PEBP4: variants seen among roughly 807,000 people sequenced by gnomAD.
The protein encoded by PEBP4 is phosphatidylethanolamine-binding protein 4.
In PEBP4, 22 loss-of-function variants were observed where a neutral mutation model predicts 23.9. That is an observed-to-expected ratio of 0.92 (90% CI 0.66 to 1.31). The LOEUF (loss-of-function observed/expected upper bound fraction) is 1.31, where lower values mean the gene tolerates loss of function less well. Ranked by LOEUF, PEBP4 falls within the 40% of genes most tolerant of loss-of-function variation. PEBP4 has a pLI of 0.00. For synonymous variants in PEBP4, 112 were observed against 99.3 expected (o/e 1.13, Z -0.76); for missense variants, 324 against 281.7 (o/e 1.15, Z -1.07).
chr8:22,801,729 T>C (rs1806386462), intron 4 of PEBP4, among the ~76,000 whole-genome samples: 1 of 152,014 alleles, frequency 6.6e-6, no homozygotes, highest in East Asian at 1.9e-4. Context: ...TGCACACACA[T>C]GCACACACAT....
At chr8:22,763,869 G>A (rs992017059) in intron 4 of PEBP4, among the ~76,000 whole-genome samples, 2 of 152,172 alleles carry the variant, frequency 1.3e-5, no homozygotes, top group Admixed American at 6.5e-5. Context: ...TCATTGCACA[G>A]TTTTGCTAGG....
chr8:22,919,760 C>T (rs1049196202), intron 3 of PEBP4, among the ~76,000 whole-genome samples: 1 of 152,178 alleles, frequency 6.6e-6, no homozygotes, highest in East Asian at 1.9e-4. Context: ...AGCTTCTCTC[C>T]AGCCCAGAAG....
At chr8:22,786,268 G>GT (rs926624669) in intron 4 of PEBP4, among the ~76,000 whole-genome samples, 2 of 151,952 alleles carry the variant, frequency 1.3e-5, no homozygotes, top group African/African-American at 2.4e-5. Context: ...GTATATTTCT[G>GT]TTTTTTTGTT....
chr8:22,912,875 A>T (rs1808972734), intron 3 of PEBP4, among the ~76,000 whole-genome samples: 1 of 152,222 alleles, frequency 6.6e-6, no homozygotes, highest in Admixed American at 6.5e-5. Flanking sequence ...AAATGACCTG[A>T]TTCGTCCTTG....
At chr8:22,788,684 A>T (rs1585272926) in intron 4 of PEBP4, among the ~76,000 whole-genome samples, 1 of 152,248 alleles carries the variant, frequency 6.6e-6, no homozygotes, top group Non-Finnish European at 1.5e-5. Context: ...TGAATTCTAA[A>T]TTGATACAAG....
chr8:22,802,837 G>A (rs1030540611), intron 4 of PEBP4, among the ~76,000 whole-genome samples: 1 of 152,182 alleles, frequency 6.6e-6, no homozygotes, highest in Admixed American at 6.5e-5. Flanking sequence ...CTTAGTGGAG[G>A]ATCAAGTATG....
At chr8:22,880,932 C>A (rs1808241276) in intron 3 of PEBP4, among the ~76,000 whole-genome samples, 1 of 152,246 alleles carries the variant, frequency 6.6e-6, no homozygotes, top group Non-Finnish European at 1.5e-5. Context: ...GCCCTGCTTG[C>A]CCTTGCCAGG....
chr8:22,840,049 TG>T lies in PEBP4; in HGVS notation c.259-22315del, dbSNP rs542994078. Among the ~76,000 whole-genome samples the T allele has an allele frequency of 5.3e-5, 8 of 152,324 alleles. No homozygotes were observed. In the South Asian group the frequency reaches 1.7e-3, roughly 32 times the overall value. On this transcript the variant is annotated intron_variant, in intron 3 of 6. Coordinates refer to ENST00000256404, the MANE Select transcript of PEBP4 (RefSeq NM_144962.3). The stretch of plus-strand genomic sequence containing the variant: ...GGTCTGCTGTAAATAAGACATTTGT[TG>T]GGGAAATTTTTTTCTGTGTGTGGGA...
chr8:22,752,825 C>T (rs1805297889), intron 4 of PEBP4, among the ~76,000 whole-genome samples: 1 of 152,250 alleles, frequency 6.6e-6, no homozygotes, highest in Non-Finnish European at 1.5e-5. Flanking sequence ...AGGTCGTCAT[C>T]TTTCTGCCTA....
intron 3 of PEBP4, among the ~76,000 whole-genome samples, chr8:22,889,742 G>A (rs765672140): frequency 4.6e-5 from 7 of 152,138 alleles, no homozygotes; most frequent in Non-Finnish European, 8.8e-5. Flanking sequence ...AGTTCCTATC[G>A]ATTTGAACTC....
intron 4 of PEBP4, among the ~76,000 whole-genome samples, chr8:22,785,151 C>T (rs912301240): frequency 6.6e-6 from 1 of 152,182 alleles, no homozygotes; most frequent in Non-Finnish European, 1.5e-5. Context: ...CACAGACCCA[C>T]GGGGGCCCGG....
chr8:22,714,198 G>C (rs1414025074), intron 6 of PEBP4, among the ~76,000 whole-genome samples: 1 of 152,210 alleles, frequency 6.6e-6, no homozygotes, highest in Non-Finnish European at 1.5e-5. Flanking sequence ...TCCTCAGGGG[G>C]AGAAAACACA....
chr8:22,915,385 GCCCCGAC>G (rs1048063198), intron 3 of PEBP4, among the ~76,000 whole-genome samples: 9 of 104,386 alleles, frequency 8.6e-5, no homozygotes, highest in African/African-American at 2.6e-4. Context: ...TGCCCTACCC[GCCCCGAC>G]CCCCGACCCA....
chr8:22,725,010 C>A, intron 5 of PEBP4, 54 bp from the exon 6 acceptor site: 2 of 1,469,690 alleles, frequency 1.4e-6, no homozygotes, highest in Admixed American at 3.4e-5. Context: ...CTACCGAGGG[C>A]AGAGCTCTCT....
chr8:22,848,878 G>C (rs1213865898), intron 3 of PEBP4, among the ~76,000 whole-genome samples: 1 of 152,204 alleles, frequency 6.6e-6, no homozygotes, highest in Non-Finnish European at 1.5e-5. Context: ...AACGTACACT[G>C]TCTAGTCTCT....
chr8:22,872,889 C>A (rs1808033974), intron 3 of PEBP4, among the ~76,000 whole-genome samples: 1 of 152,056 alleles, frequency 6.6e-6, no homozygotes. Context: ...ATTGGCAAGG[C>A]TGGTCTCGAA....
At chr8:22,871,461 T>C (rs532342258) in intron 3 of PEBP4, among the ~76,000 whole-genome samples, 1 of 152,128 alleles carries the variant, frequency 6.6e-6, no homozygotes, top group Non-Finnish European at 1.5e-5. Context: ...ATAACATTCT[T>C]TTTTTTTCAT....
chr8:22,721,156 G>A (rs1804509980), intron 6 of PEBP4, among the ~76,000 whole-genome samples: 1 of 152,172 alleles, frequency 6.6e-6, no homozygotes, highest in African/African-American at 2.4e-5. Context: ...GGAAAGTCGA[G>A]CCTCATCAGT....
intron 4 of PEBP4, among the ~76,000 whole-genome samples, chr8:22,788,143 G>A (rs946101434): frequency 1.3e-5 from 2 of 152,076 alleles, no homozygotes; most frequent in African/African-American, 4.8e-5. Context: ...TAGAGGGAGG[G>A]AACCTGGGAA....
Sources: allele counts gnomAD v4.1 joint callset (sites outside exome capture counted in the v4.1 genomes callset), GRCh38; gene constraint gnomAD v4.1.1; transcripts MANE v1.5; gene names NCBI Gene and HGNC (gene_info 2026-07-23, HGNC 2026-07-21).